Variants in CNOT4 observed in about 807,000 individuals in gnomAD.
CNOT4 encodes the protein CCR4-NOT transcription complex subunit 4, also known as CCR4-associated factor 4.
In CNOT4, 8 loss-of-function variants were observed where a neutral mutation model predicts 73.8. The ratio of observed to expected loss-of-function variants is 0.11; its 90% CI spans 0.06 to 0.20. CNOT4 has a LOEUF of 0.20. CNOT4 is among the 10% of genes least tolerant of loss of function. The pLI, the probability that CNOT4 is intolerant of heterozygous loss-of-function variation, is 1.00. For missense variants in CNOT4, 564 were observed against 883.4 expected, an observed-to-expected ratio of 0.64 and a Z score of 4.58; for synonymous variants, 293 against 321.1, an observed-to-expected ratio of 0.91 and a Z score of 0.94.
intron 10 of CNOT4, among the ~76,000 whole-genome samples, chr7:135,372,602 C>T (rs1459430825): frequency 6.7e-6 from 1 of 149,028 alleles, no homozygotes; most frequent in African/African-American, 2.5e-5. Flanking sequence ...CGTCGCTCAG[C>T]CTGGAGGGCA....
At position 135,362,938 on chromosome 7, in the gene CNOT4, G is replaced by C. The variant is rs745511747; in HGVS notation, c.2089C>G (p.Pro697Ala). The change falls in exon 12 of 12, where the codon CCC becomes GCC. Residue 697 changes from proline to alanine, a missense_variant. Pro to Ala is a conservative substitution (Grantham distance 27, BLOSUM62 -1). Coordinates refer to ENST00000541284, the MANE Select transcript of CNOT4 (RefSeq NM_001190850.2). ...PPGFQTAFRP[P>A]SKTPTDLLQS... ...AGTAAATCTGTGGGGGTTTTGCTGG[G>C]GGGTCTGAAGGCTGTCTGAAAGCCT... The C allele has an allele frequency of 1.7e-5, 27 of 1,613,652 alleles. No individual in the cohort carries two copies. The Admixed American group carries it at 4.3e-4, about 26-fold the overall frequency.
chr7:135,487,510 G>C (rs1295033408), intron 1 of CNOT4, among the ~76,000 whole-genome samples: 1 of 152,032 alleles, frequency 6.6e-6, no homozygotes, highest in Non-Finnish European at 1.5e-5. Context: ...AATGTGCTGG[G>C]ACTACAGATG....
chr7:135,500,736 C>A (rs1803904560), intron 1 of CNOT4, among the ~76,000 whole-genome samples: 1 of 152,074 alleles, frequency 6.6e-6, no homozygotes, highest in Non-Finnish European at 1.5e-5. Context: ...CTGATCAGGC[C>A]ATTATTAAAG....
At chr7:135,399,327 G>A (rs1017145012) in intron 7 of CNOT4, among the ~76,000 whole-genome samples, 3 of 152,136 alleles carry the variant, frequency 2.0e-5, no homozygotes, top group African/African-American at 4.8e-5. Flanking sequence ...GTGCTCCTAC[G>A]CTGCAAACCT....
At chr7:135,373,571 T>C (rs554163669) in intron 10 of CNOT4, among the ~76,000 whole-genome samples, 1 of 152,160 alleles carries the variant, frequency 6.6e-6, no homozygotes, top group African/African-American at 2.4e-5. Flanking sequence ...TGCTTAGAAT[T>C]ATTATTTTTT....
chr7:135,459,308 T>A (rs1800732135), intron 1 of CNOT4, among the ~76,000 whole-genome samples: 1 of 152,116 alleles, frequency 6.6e-6, no homozygotes, highest in Non-Finnish European at 1.5e-5. Flanking sequence ...CATTCTCTCA[T>A]GCCTCACAAA....
chr7:135,460,861 A>G (rs906726866), intron 1 of CNOT4, among the ~76,000 whole-genome samples: 1 of 152,224 alleles, frequency 6.6e-6, no homozygotes, highest in Non-Finnish European at 1.5e-5. Flanking sequence ...AAACGGTTCT[A>G]TGTGACCATG....
chr7:135,461,588 T>C (rs1800877655), intron 1 of CNOT4, among the ~76,000 whole-genome samples: 1 of 152,044 alleles, frequency 6.6e-6, no homozygotes, highest in Non-Finnish European at 1.5e-5. Flanking sequence ...TCCAAACACT[T>C]TGGGAGGCCG....
chr7:135,484,583 C>T (rs570973818), intron 1 of CNOT4, among the ~76,000 whole-genome samples: 172 of 152,074 alleles, frequency 1.1e-3, no homozygotes, highest in Non-Finnish European at 2.0e-3. Context: ...TGGTGAAACC[C>T]CATTTATACT....
At position 135,362,731 on chromosome 7, in the gene CNOT4, T is replaced by C. The variant is rs774332517; in HGVS notation, c.*154A>G. On this transcript the variant is annotated 3_prime_UTR_variant, in exon 12 of 12. Coordinates refer to ENST00000541284, the MANE Select transcript of CNOT4 (RefSeq NM_001190850.2). ...TAAAGAGATGGTAATGACCCTGTGA[T>C]CGCATTGCATCTGGGGTTAGGGAGA... 7 of 794,512 alleles carry C rather than the reference T, an allele frequency of 8.8e-6. No homozygotes were observed. The highest frequency in any genetic ancestry group is 6.7e-5 in the African/African-American group (4 of 59,590). 49.2% of individuals were successfully genotyped at this position (794,512 alleles called of 1,614,324 possible).
chr7:135,384,606 C>A (rs1796026933), intron 10 of CNOT4: 2 of 756,600 alleles, frequency 2.6e-6, no homozygotes, highest in Non-Finnish European at 4.8e-6. Flanking sequence ...TTAAGCTATA[C>A]CACATGCTCG....
chr7:135,462,859 G>T (rs1800961902), intron 1 of CNOT4, among the ~76,000 whole-genome samples: 1 of 152,152 alleles, frequency 6.6e-6, no homozygotes, highest in Non-Finnish European at 1.5e-5. Context: ...CTCTAAAAAT[G>T]TAAAATGATT....
chr7:135,383,130 CTTAA>C (rs1345528134), intron 10 of CNOT4, among the ~76,000 whole-genome samples: 5 of 152,068 alleles, frequency 3.3e-5, no homozygotes, highest in Non-Finnish European at 1.5e-5. Context: ...TCACCAGTAC[CTTAA>C]TTCTTATTTG....
intron 4 of CNOT4, among the ~76,000 whole-genome samples, chr7:135,414,725 T>TA (rs890805382): frequency 2.6e-5 from 4 of 152,010 alleles, no homozygotes; most frequent in Non-Finnish European, 5.9e-5. Context: ...GTCAAGGTTA[T>TA]AAAAAAATTA....
chr7:135,437,199 C>CT (rs900716907), intron 2 of CNOT4, among the ~76,000 whole-genome samples: 1 of 144,818 alleles, frequency 6.9e-6, no homozygotes, highest in African/African-American at 2.5e-5. Flanking sequence ...CTTTTCTTTT[C>CT]TTTTTTTTGA....
At chr7:135,446,654 C>A (rs926090773) in intron 1 of CNOT4, among the ~76,000 whole-genome samples, 1 of 151,544 alleles carries the variant, frequency 6.6e-6, no homozygotes. Context: ...TACTATACAA[C>A]CAAAGTTATA....
intron 1 of CNOT4, among the ~76,000 whole-genome samples, chr7:135,504,459 CTAATTT>C (rs1308090429): frequency 1.4e-5 from 1 of 71,444 alleles, no homozygotes; most frequent in African/African-American, 6.8e-5. Context: ...CCACATCCGG[CTAATTT>C]TTTTTTTTTT....
intron 1 of CNOT4, among the ~76,000 whole-genome samples, chr7:135,485,910 A>T (rs1291283930): frequency 1.3e-5 from 2 of 152,252 alleles, no homozygotes; most frequent in East Asian, 3.8e-4. Flanking sequence ...AGCACGATCC[A>T]CAAAAGGAAG....
At chr7:135,396,881 T>C (rs985406054) in intron 8 of CNOT4, among the ~76,000 whole-genome samples, 1 of 152,272 alleles carries the variant, frequency 6.6e-6, no homozygotes, top group South Asian at 2.1e-4. Flanking sequence ...AATTTTAAAA[T>C]GGCCCTATTC....
Sources: allele counts gnomAD v4.1 joint callset (sites outside exome capture counted in the v4.1 genomes callset), GRCh38; gene constraint gnomAD v4.1.1; transcripts MANE v1.5; gene names NCBI Gene and HGNC (gene_info 2026-07-23, HGNC 2026-07-21).